Variants in ZGRF1 observed in about 807,000 individuals in gnomAD.
The protein encoded by ZGRF1 is 5'-3' DNA helicase ZGRF1.
ZGRF1 carries 196 observed loss-of-function variants against 203.5 expected under a neutral mutation model. That is an observed-to-expected ratio of 0.96 (90% confidence interval 0.86 to 1.08). ZGRF1 has a LOEUF of 1.08. ZGRF1 is among the 50% of genes least tolerant of loss of function. The pLI is 0.00. For synonymous variants in ZGRF1, 809 were observed against 841.3 expected, an observed-to-expected ratio of 0.96 and a Z score of 0.66; for missense variants, 2,326 against 2,416.3, an observed-to-expected ratio of 0.96 and a Z score of 0.78.
chr4:112,603,412 C>T, intron 10 of ZGRF1, 112 bp downstream of exon 10: 1 of 610,898 alleles, frequency 1.6e-6, no homozygotes, highest in Non-Finnish European at 2.7e-6. Flanking sequence ...TGTCAATTTA[C>T]TGTACTCCTT....
At chr4:112,593,639 C>T (rs1451527982) in intron 10 of ZGRF1, among the ~76,000 whole-genome samples, 6 of 152,298 alleles carry the variant, frequency 3.9e-5, no homozygotes, top group African/African-American at 1.4e-4. Flanking sequence ...ATACCTTGGC[C>T]TTCTTTCACT....
chr4:112,604,714 C>G (rs1191952537), intron 9 of ZGRF1, among the ~76,000 whole-genome samples: 1 of 152,132 alleles, frequency 6.6e-6, no homozygotes, highest in African/African-American at 2.4e-5. Flanking sequence ...GAGTGTGATT[C>G]CAATGTAGAC....
In ZGRF1 at chr4:112,585,588, T is replaced by C. The variant is rs1488698691; in HGVS notation, c.4054A>G (p.Ser1352Gly). 3 of 1,612,566 alleles carry C rather than the reference T, an allele frequency of 1.9e-6. No homozygotes were observed. Among genetic ancestry groups the C allele is most frequent in the South Asian group, 1.1e-5 (1 of 90,806 alleles). ...AENNVPSCHH[S>G]QPAKLVMVKK... ...ACCATGACAAGTTTTGCAGGTTGAC[T>C]ATGATGGCAGGATGGTACATTATTT... Residue 1352 changes from serine (S) to glycine (G), a missense_variant, in exon 14 of 28, where the codon AGT becomes GGT. Ser to Gly is a moderately conservative substitution (Grantham distance 56, BLOSUM62 0). Coordinates refer to ENST00000505019, the MANE Select transcript of ZGRF1 (RefSeq NM_018392.5).
intron 3 of ZGRF1, among the ~76,000 whole-genome samples, chr4:112,627,853 A>G (rs796944723): frequency 2.6e-5 from 4 of 152,328 alleles, no homozygotes; most frequent in African/African-American, 9.6e-5. Flanking sequence ...GTTCCTGTCT[A>G]CCACTTTAGC....
chr4:112,609,637 C>G (rs1031934246), intron 7 of ZGRF1, among the ~76,000 whole-genome samples: 27 of 151,732 alleles, frequency 1.8e-4, no homozygotes, highest in African/African-American at 6.5e-4. Context: ...GAAACCCTGT[C>G]TCTACTAAAA....
At chr4:112,569,288 G>C (rs1743782117) in intron 16 of ZGRF1, among the ~76,000 whole-genome samples, 1 of 152,212 alleles carries the variant, frequency 6.6e-6, no homozygotes, top group Admixed American at 6.5e-5. Flanking sequence ...TTATTGGTCT[G>C]TAACAAGAAG....
At chr4:112,565,249 G>A (rs183424441) in intron 16 of ZGRF1, 16 of 1,591,200 alleles carry the variant, frequency 1.0e-5, no homozygotes, top group South Asian at 7.7e-5. Flanking sequence ...CTTCCAGAGC[G>A]CAGCTATCGG....
At chr4:112,634,295 G>A (rs1221567009) in intron 1 of ZGRF1, among the ~76,000 whole-genome samples, 1 of 152,122 alleles carries the variant, frequency 6.6e-6, no homozygotes, top group Non-Finnish European at 1.5e-5. Context: ...CATCAAACAA[G>A]GCTTCTTCAA....
At chr4:112,631,230 G>C (rs1211013455) in intron 3 of ZGRF1, among the ~76,000 whole-genome samples, 1 of 152,064 alleles carries the variant, frequency 6.6e-6, no homozygotes, top group Non-Finnish European at 1.5e-5. Context: ...TTGAACTCCA[G>C]GCTTCAAGCA....
At chr4:112,601,253 A>T (rs1055548808) in intron 10 of ZGRF1, among the ~76,000 whole-genome samples, 1 of 152,134 alleles carries the variant, frequency 6.6e-6, no homozygotes, top group African/African-American at 2.4e-5. Context: ...AAAAAATTTT[A>T]AAAATTAGCT....
chr4:112,587,307 G>A lies in ZGRF1; in HGVS notation c.3750C>T (p.Cys1250=). Residue 1250 remains cysteine (C), a synonymous_variant, in exon 12 of 28, where the codon TGC becomes TGT. Coordinates refer to ENST00000505019, the MANE Select transcript of ZGRF1 (RefSeq NM_018392.5). ...GTAAATCCTTTACACTGTAGTTGTA[G>A]CAGGTAGACCCTCCTAATACATTTT... ...EIKNVLGGST[C]YNYSVKDLQE... is the part of the protein sequence containing the mutation. The A allele has an allele frequency of 1.2e-6, 2 of 1,611,372 alleles. No individual in the cohort carries two copies. The highest frequency in any genetic ancestry group is 1.7e-6 in the Non-Finnish European group (2 of 1,179,014).
At chr4:112,586,163 C>T (rs1214699289) in intron 13 of ZGRF1, among the ~76,000 whole-genome samples, 2 of 151,736 alleles carry the variant, frequency 1.3e-5, no homozygotes, top group Non-Finnish European at 2.9e-5. Flanking sequence ...ATCACTTGAA[C>T]CTGGAAGGCA....
chr4:112,544,685 G>T (rs1314777849), intron 24 of ZGRF1, among the ~76,000 whole-genome samples: 2 of 152,092 alleles, frequency 1.3e-5, no homozygotes, highest in African/African-American at 4.8e-5. Context: ...AACAAGAATG[G>T]CAACTATACA....
chr4:112,544,449 G>A (rs574148966), intron 24 of ZGRF1, among the ~76,000 whole-genome samples: 1 of 152,286 alleles, frequency 6.6e-6, no homozygotes, highest in African/African-American at 2.4e-5. Flanking sequence ...TTCATATGAT[G>A]GCAACGGTTC....
chr4:112,547,298 C>T lies in ZGRF1; in HGVS notation c.5585G>A (p.Arg1862Gln), dbSNP rs1472187828. ...AGCAGTATGTACCATTAAGCAAAGT[C>T]GATCAAAAAGAGTTTGTTCCAATCC... is the stretch of plus-strand genomic sequence containing the variant. Reference protein sequence around the residue: ...ENGLEQTLFDRLCLMGHKPIL... With the variant: ...ENGLEQTLFDQLCLMGHKPIL... The change falls in exon 24 of 28, where the codon CGA (arginine) becomes CAA (glutamine). Residue 1862 changes from arginine (R) to glutamine (Q), a missense_variant. Physicochemically the swap from Arg to Gln is conservative, Grantham distance 43. Transcript: ENST00000505019. 3.7e-6 allele frequency: 6 copies of T among 1,612,302 alleles called. No homozygotes were observed. Among genetic ancestry groups the T allele is most frequent in the Non-Finnish European group, 5.1e-6 (6 of 1,179,440 alleles).
chr4:112,617,063 T>G (rs935832955), intron 6 of ZGRF1, among the ~76,000 whole-genome samples: 3 of 152,254 alleles, frequency 2.0e-5, no homozygotes, highest in Admixed American at 6.5e-5. Context: ...CACTCCAGCC[T>G]GGGTGACAGA....
At chr4:112,608,346 T>G (rs1176814923) in intron 8 of ZGRF1, among the ~76,000 whole-genome samples, 1 of 152,062 alleles carries the variant, frequency 6.6e-6, no homozygotes, top group Non-Finnish European at 1.5e-5. Flanking sequence ...AGGCTGGAGG[T>G]GGTGGCTCAT....
chr4:112,565,114 A>G (rs1209490172), intron 16 of ZGRF1: 7 of 1,392,058 alleles, frequency 5.0e-6, no homozygotes, highest in Non-Finnish European at 7.2e-6. Context: ...TCATCGTTAC[A>G]GGCCTGGTAC....
intron 3 of ZGRF1, among the ~76,000 whole-genome samples, chr4:112,628,341 C>T (rs2047302439): frequency 6.6e-6 from 1 of 152,110 alleles, no homozygotes; most frequent in Admixed American, 6.6e-5. Context: ...AGATTACTCC[C>T]CCAAAATTAT....
Sources: allele counts gnomAD v4.1 joint callset (sites outside exome capture counted in the v4.1 genomes callset), GRCh38; gene constraint gnomAD v4.1.1; transcripts MANE v1.5; gene names NCBI Gene and HGNC (gene_info 2026-07-23, HGNC 2026-07-21).